The following IKBKB-DT variants were observed in gnomAD, a reference collection of about 807,000 sequenced individuals.
The protein encoded by IKBKB-DT is IKBKB antisense RNA.
At chr8:42,237,860 C>T (rs977394828) in intron 3 of IKBKB-DT, among the ~76,000 whole-genome samples, 2 of 151,394 alleles carry the variant, frequency 1.3e-5, no homozygotes, top group East Asian at 1.9e-4. Context: ...CCCCTCTCCA[C>T]AAAAAATCAA....
At chr8:42,247,350 A>G (rs1170092097) in intron 3 of IKBKB-DT, among the ~76,000 whole-genome samples, 1 of 152,124 alleles carries the variant, frequency 6.6e-6, no homozygotes, top group Non-Finnish European at 1.5e-5. Flanking sequence ...GTTTTGGCCA[A>G]TTTCTCCTAT....
intron 3 of IKBKB-DT, among the ~76,000 whole-genome samples, chr8:42,251,692 A>G (rs982470183): frequency 2.0e-5 from 3 of 152,074 alleles, no homozygotes; most frequent in Non-Finnish European, 2.9e-5. Flanking sequence ...TTAGCCAGGC[A>G]TGGTGGCAGA....
At chr8:42,263,168 T>C (rs985395675) in intron 3 of IKBKB-DT, among the ~76,000 whole-genome samples, 1 of 150,674 alleles carries the variant, frequency 6.6e-6, no homozygotes, top group East Asian at 2.0e-4. Context: ...TGAGTCACTA[T>C]GCCTGGCTAA....
intron 3 of IKBKB-DT, among the ~76,000 whole-genome samples, chr8:42,249,773 C>T (rs1807108331): frequency 6.6e-6 from 1 of 152,074 alleles, no homozygotes; most frequent in Non-Finnish European, 1.5e-5. Flanking sequence ...ATGTATTATT[C>T]TCCAGATGTT....
intron 1 of IKBKB-DT, among the ~76,000 whole-genome samples, chr8:42,267,785 T>A (rs1210682542): frequency 6.6e-6 from 1 of 152,192 alleles, no homozygotes; most frequent in Admixed American, 6.5e-5. Flanking sequence ...AAACATGTCT[T>A]ATCTGGATAG....
At chr8:42,265,230 C>G (rs1431355632) in intron 2 of IKBKB-DT, among the ~76,000 whole-genome samples, 2 of 152,216 alleles carry the variant, frequency 1.3e-5, no homozygotes, top group Non-Finnish European at 2.9e-5. Flanking sequence ...CTCCTAGACT[C>G]AAGTGATCCT....
intron 3 of IKBKB-DT, among the ~76,000 whole-genome samples, chr8:42,243,034 G>T (rs12115174): frequency 0.21 from 31,304 of 152,142 alleles, 3,630 homozygotes; most frequent in African/African-American, 0.29. Flanking sequence ...TTAAGGGTAC[G>T]GCTTTGCTCT....
intron 3 of IKBKB-DT, among the ~76,000 whole-genome samples, chr8:42,242,515 A>T (rs1384054723): frequency 2.0e-5 from 3 of 152,196 alleles, no homozygotes; most frequent in Admixed American, 2.0e-4. Context: ...AGAATTCTAT[A>T]TATGTGGTTG....
In IKBKB-DT at chr8:42,236,789, C is replaced by T. The variant is rs150309267; in HGVS notation, n.1530-2930G>A. ...AAAGAAATCATAGGTCACTGTGAAA[C>T]AATACTTAGTTATCCATATAACCAA... On this transcript the variant is annotated intron_variant and non_coding_transcript_variant, in intron 3 of 3. Coordinates refer to ENST00000518213, the Ensembl canonical transcript of IKBKB-DT. 1.3e-4 allele frequency among the ~76,000 whole-genome samples: 20 copies of T among 152,172 alleles called. 1 individual carries two copies. The East Asian group carries it at 3.7e-3, about 28-fold the overall frequency.
chr8:42,236,594 G>A (rs773955644), intron 3 of IKBKB-DT, among the ~76,000 whole-genome samples: 7 of 152,096 alleles, frequency 4.6e-5, no homozygotes, highest in African/African-American at 1.4e-4. Flanking sequence ...GAGAAACCTC[G>A]TCTCTACTAA....
At chr8:42,250,707 T>C (rs965153020) in intron 3 of IKBKB-DT, among the ~76,000 whole-genome samples, 3 of 152,106 alleles carry the variant, frequency 2.0e-5, no homozygotes, top group African/African-American at 7.2e-5. Context: ...CCCACTGCCA[T>C]CATTTTCCCA....
intron 3 of IKBKB-DT, among the ~76,000 whole-genome samples, chr8:42,251,315 T>A (rs956751589): frequency 3.9e-5 from 6 of 152,234 alleles, no homozygotes; most frequent in Admixed American, 1.3e-4. Context: ...GTATCCTGCA[T>A]CCATTGGCTG....
intron 3 of IKBKB-DT, among the ~76,000 whole-genome samples, chr8:42,251,797 C>T (rs796745785): frequency 1.5e-4 from 22 of 147,698 alleles, no homozygotes; most frequent in African/African-American, 4.9e-4. Context: ...TCACTGCACT[C>T]CAGCCTAGGC....
At chr8:42,259,886 G>T (rs576343170) in intron 3 of IKBKB-DT, among the ~76,000 whole-genome samples, 1 of 151,920 alleles carries the variant, frequency 6.6e-6, no homozygotes, top group East Asian at 1.9e-4. Context: ...GGAGGCTGAG[G>T]CAGGAGAATT....
chr8:42,245,308 T>C (rs1807049695), intron 3 of IKBKB-DT, among the ~76,000 whole-genome samples: 1 of 152,174 alleles, frequency 6.6e-6, no homozygotes, highest in African/African-American at 2.4e-5. Flanking sequence ...TTGATGATTC[T>C]TTACGTGTTG....
chr8:42,244,666 A>T (rs1807041304), intron 3 of IKBKB-DT, among the ~76,000 whole-genome samples: 1 of 152,042 alleles, frequency 6.6e-6, no homozygotes, highest in Non-Finnish European at 1.5e-5. Flanking sequence ...TCAGCCTCCC[A>T]ATTAGAGTTT....
chr8:42,267,187 G>A (rs1807384399), intron 1 of IKBKB-DT, among the ~76,000 whole-genome samples: 1 of 151,778 alleles, frequency 6.6e-6, no homozygotes, highest in Admixed American at 6.6e-5. Context: ...TGTATTTTTA[G>A]TAGAGACGGG....
At chr8:42,254,107 AG>A (rs1328061737) in intron 3 of IKBKB-DT, among the ~76,000 whole-genome samples, 1 of 152,248 alleles carries the variant, frequency 6.6e-6, no homozygotes. Flanking sequence ...TAAGAATGTT[AG>A]CACAGGTCTT....
At chr8:42,241,979 C>T (rs1366376404) in intron 3 of IKBKB-DT, among the ~76,000 whole-genome samples, 7 of 152,044 alleles carry the variant, frequency 4.6e-5, no homozygotes, top group African/African-American at 1.2e-4. Flanking sequence ...TTTGGGAGGC[C>T]GAAGCGGGCG....
Sources: gnomAD v4.1 joint callset for allele counts (sites outside exome capture counted in the v4.1 genomes callset) on GRCh38, gnomAD v4.1.1 for gene constraint, MANE v1.5 for transcripts, NCBI Gene and HGNC (gene_info 2026-07-23, HGNC 2026-07-21) for gene names.